OSBPL9: variants seen among roughly 807,000 people sequenced by gnomAD.
The protein encoded by OSBPL9 is oxysterol binding protein like 9, also known as oxysterol-binding protein-related protein 9.
In OSBPL9, 40 loss-of-function variants were observed where a neutral mutation model predicts 106.6. The observed-to-expected ratio is 0.38, with a 90% CI of 0.29 to 0.49. OSBPL9 has a LOEUF of 0.49. Ranked by LOEUF, OSBPL9 falls within the 20% of genes least tolerant of loss-of-function variation. The pLI, the probability that OSBPL9 is intolerant of heterozygous loss-of-function variation, is 0.97. For missense variants in OSBPL9, 609 were observed against 887.2 expected, an observed-to-expected ratio of 0.69 and a Z score of 3.98; for synonymous variants, 269 against 295.4, an observed-to-expected ratio of 0.91 and a Z score of 0.92.
chr1:51,664,322 T>C (rs143210181), intron 2 of OSBPL9, among the ~76,000 whole-genome samples: 1 of 152,216 alleles, frequency 6.6e-6, no homozygotes, highest in African/African-American at 2.4e-5. Context: ...ACAATATGGA[T>C]GAATCTTACA....
chr1:51,729,796 C>T lies in OSBPL9; in HGVS notation c.318+15717C>T, dbSNP rs1261280527. Reference sequence around the variant, plus strand: ...GGCGACCCCTCCGCCGGGGAGGGGACGGGAAAGGGGTGGGGGGTGAAGGGG... The same window carrying T: ...GGCGACCCCTCCGCCGGGGAGGGGATGGGAAAGGGGTGGGGGGTGAAGGGG... On this transcript the variant is annotated intron_variant, in intron 4 of 23. Coordinates refer to ENST00000428468, the MANE Select transcript of OSBPL9 (RefSeq NM_024586.6). The surrounding 1 kb of genome is among the most constrained non-coding windows in gnomAD (Gnocchi z 5.1). The T allele has an allele frequency of 1.4e-5, 17 of 1,197,262 alleles. No homozygotes were observed. Among genetic ancestry groups the T allele is most frequent in the Non-Finnish European group, 3.1e-6 (3 of 959,950 alleles). The allele number at this position is 1,197,262 out of a possible 1,614,324, so 74.2% of individuals were successfully genotyped here. A position where few individuals can be genotyped will look rare whatever the true frequency, so the allele number is the denominator to read the frequency against.
At chr1:51,650,706 G>A (rs949399211) in intron 1 of OSBPL9, among the ~76,000 whole-genome samples, 5 of 151,930 alleles carry the variant, frequency 3.3e-5, no homozygotes, top group African/African-American at 9.7e-5. Context: ...ATTCAATATT[G>A]GCTTGTTTTG....
At chr1:51,667,235 T>A (rs893088227) in intron 2 of OSBPL9, among the ~76,000 whole-genome samples, 4 of 152,208 alleles carry the variant, frequency 2.6e-5, no homozygotes, top group African/African-American at 7.2e-5. Flanking sequence ...TACTATGCAA[T>A]TTATCAACTT....
chr1:51,651,846 C>G, intron 1 of OSBPL9, 145 bp from the exon 2 acceptor site: 1 of 624,092 alleles, frequency 1.6e-6, no homozygotes, highest in Non-Finnish European at 2.8e-6. Flanking sequence ...ATTTTCCTAT[C>G]CATAAGTAAT....
the OSBPL9 span, among the ~76,000 whole-genome samples, chr1:51,534,933 G>T: frequency 6.6e-6 from 1 of 152,136 alleles, no homozygotes; most frequent in Non-Finnish European, 1.5e-5. Flanking sequence ...TCTGTTATCA[G>T]TTATTCTTTA....
chr1:51,556,104 C>G, the OSBPL9 span, among the ~76,000 whole-genome samples: 1 of 151,970 alleles, frequency 6.6e-6, no homozygotes, highest in African/African-American at 2.4e-5. Flanking sequence ...TCCCTGTAAG[C>G]CTAGTCCCTA....
At chr1:51,557,978 A>T in the OSBPL9 span, among the ~76,000 whole-genome samples, 1 of 152,174 alleles carries the variant, frequency 6.6e-6, no homozygotes, top group Non-Finnish European at 1.5e-5. Flanking sequence ...AACTAACTAT[A>T]GGAGAAATTT....
chr1:51,554,365 T>G, the OSBPL9 span, among the ~76,000 whole-genome samples: 1 of 152,192 alleles, frequency 6.6e-6, no homozygotes, highest in Non-Finnish European at 1.5e-5. Flanking sequence ...GTTAAAAATT[T>G]AATAAACATG....
At chr1:51,669,378 T>C in intron 2 of OSBPL9, 56 bp from the exon 3 acceptor site, 1 of 1,455,674 alleles carries the variant, frequency 6.9e-7, no homozygotes, top group Admixed American at 1.7e-5. Context: ...ATAGCAGTAG[T>C]GAATATTGCT....
chr1:51,687,034 G>A (rs184830420), intron 3 of OSBPL9, among the ~76,000 whole-genome samples: 4 of 152,336 alleles, frequency 2.6e-5, no homozygotes, highest in Admixed American at 6.5e-5. Flanking sequence ...TCAACATGGT[G>A]CCTGGCAAAT....
At chr1:51,711,745 C>G (rs1306333528) in intron 3 of OSBPL9, among the ~76,000 whole-genome samples, 4 of 149,114 alleles carry the variant, frequency 2.7e-5, no homozygotes, top group African/African-American at 9.9e-5. Flanking sequence ...GGGTCACGGC[C>G]GGGCAGAGGC....
chr1:51,522,096 A>G, the OSBPL9 span, among the ~76,000 whole-genome samples: 1 of 152,252 alleles, frequency 6.6e-6, no homozygotes, highest in Non-Finnish European at 1.5e-5. Context: ...CAGTAAGTAC[A>G]TTATAAAAGT....
chr1:51,718,402 A>T (rs1239173655), intron 4 of OSBPL9, among the ~76,000 whole-genome samples: 2 of 152,192 alleles, frequency 1.3e-5, no homozygotes, highest in African/African-American at 4.8e-5. Flanking sequence ...ATACCTATTT[A>T]CCCTGATGTG....
intron 1 of OSBPL9, among the ~76,000 whole-genome samples, chr1:51,581,464 T>C (rs1645221344): frequency 6.6e-6 from 1 of 152,184 alleles, no homozygotes. Context: ...CATACTGCAC[T>C]CTTTAAAAGA....
intron 4 of OSBPL9, among the ~76,000 whole-genome samples, chr1:51,738,342 C>G (rs1666166371): frequency 6.6e-6 from 1 of 151,950 alleles, no homozygotes; most frequent in South Asian, 2.1e-4. Context: ...TTTAGCTGTA[C>G]CAGATTTATT....
chr1:51,758,143 A>G (rs1035450000), intron 9 of OSBPL9, among the ~76,000 whole-genome samples: 1 of 152,152 alleles, frequency 6.6e-6, no homozygotes. Context: ...AAGATTGAGT[A>G]CTTTTAATAT....
chr1:51,636,111 C>G (rs1476343198), intron 1 of OSBPL9, among the ~76,000 whole-genome samples: 1 of 120,182 alleles, frequency 8.3e-6, no homozygotes, highest in African/African-American at 3.4e-5. Context: ...TGTGTGTATC[C>G]TTTCTAAAAT....
At chr1:51,642,357 G>C (rs1645855140) in intron 1 of OSBPL9, among the ~76,000 whole-genome samples, 1 of 152,154 alleles carries the variant, frequency 6.6e-6, no homozygotes, top group African/African-American at 2.4e-5. Context: ...TTTAATTACA[G>C]ATTTATAAAG....
intron 2 of OSBPL9, among the ~76,000 whole-genome samples, chr1:51,659,437 A>C (rs574941771): frequency 6.6e-6 from 1 of 152,124 alleles, no homozygotes; most frequent in South Asian, 2.1e-4. Flanking sequence ...TCTTAAATGA[A>C]TATATTACAA....
Sources: gnomAD v4.1 joint callset for allele counts (sites outside exome capture counted in the v4.1 genomes callset) on GRCh38, gnomAD v4.1.1 for gene constraint, Gnocchi (gnomAD v3.1) non-coding constraint, MANE v1.5 for transcripts, NCBI Gene and HGNC (gene_info 2026-07-23, HGNC 2026-07-21) for gene names.